Variants in SPATA6 observed in about 807,000 individuals in gnomAD.
SPATA6 encodes the protein spermatogenesis associated 6.
In SPATA6, 56 loss-of-function variants were observed where a neutral mutation model predicts 65.3. The ratio of observed to expected loss-of-function variants is 0.86; its 90% confidence interval spans 0.69 to 1.07. The LOEUF is 1.07. Among genes scored for constraint, SPATA6 ranks in the 50% least tolerant of loss-of-function variants. The pLI is 0.00. For missense variants in SPATA6, 590 were observed against 594.8 expected (o/e 0.99, Z 0.08); for synonymous variants, 199 against 213.2 (o/e 0.93, Z 0.58).
intron 11 of SPATA6, among the ~76,000 whole-genome samples, chr1:48,313,616 C>T (rs1167172485): frequency 6.6e-6 from 1 of 152,102 alleles, no homozygotes; most frequent in East Asian, 1.9e-4. Context: ...ACCATCGAGG[C>T]TAGGAAGAAA....
At chr1:48,379,319 G>C (rs377549968) in intron 9 of SPATA6, among the ~76,000 whole-genome samples, 51 of 152,278 alleles carry the variant, frequency 3.3e-4, no homozygotes, top group African/African-American at 1.2e-3. Flanking sequence ...CTCTCGACAG[G>C]TGGGAATTGT....
At chr1:48,433,477 C>G (rs1298106021) in intron 3 of SPATA6, among the ~76,000 whole-genome samples, 1 of 151,818 alleles carries the variant, frequency 6.6e-6, no homozygotes, top group African/African-American at 2.4e-5. Flanking sequence ...AATAATTTTC[C>G]TTCTTCTTCT....
intron 3 of SPATA6, among the ~76,000 whole-genome samples, chr1:48,423,709 G>A (rs939387267): frequency 4.6e-5 from 7 of 151,466 alleles, no homozygotes; most frequent in African/African-American, 1.2e-4. Flanking sequence ...CACCATGCCC[G>A]GCTAATGTTT....
chr1:48,325,550 T>A (rs1645733251), intron 11 of SPATA6: 6 of 1,174,384 alleles, frequency 5.1e-6, no homozygotes, highest in African/African-American at 1.5e-5. Flanking sequence ...TCTTCCTCTT[T>A]GGTCTTGGAA....
At chr1:48,317,969 G>A (rs986676701) in intron 11 of SPATA6, among the ~76,000 whole-genome samples, 1 of 152,062 alleles carries the variant, frequency 6.6e-6, no homozygotes, top group Admixed American at 6.6e-5. Context: ...ACAACCAACT[G>A]GGAATTATCC....
intron 8 of SPATA6, 51 bp from the exon 9 acceptor site, chr1:48,385,400 G>A (rs1649360000): frequency 6.8e-7 from 1 of 1,474,244 alleles, no homozygotes; most frequent in East Asian, 2.3e-5. Flanking sequence ...TTTCATCTTT[G>A]ATTTTTAATA....
chr1:48,313,524 T>G (rs1298840968), intron 11 of SPATA6, among the ~76,000 whole-genome samples: 41 of 152,222 alleles, frequency 2.7e-4, no homozygotes, highest in Admixed American at 2.0e-3. Flanking sequence ...AGGCCTGCCC[T>G]AAAAGAGCTC....
chr1:48,450,039 T>A (rs1656420475), intron 3 of SPATA6, among the ~76,000 whole-genome samples: 1 of 151,962 alleles, frequency 6.6e-6, no homozygotes, highest in Non-Finnish European at 1.5e-5. Context: ...ATTTTTTTTT[T>A]AATTAAGGAA....
chr1:48,288,636 C>A, the SPATA6 span, among the ~76,000 whole-genome samples: 56 of 152,318 alleles, frequency 3.7e-4, no homozygotes, highest in African/African-American at 1.3e-3. Context: ...AAAACCAGGT[C>A]ACTCCCACCC....
chr1:48,277,217 A>T, the SPATA6 span, among the ~76,000 whole-genome samples: 1 of 151,738 alleles, frequency 6.6e-6, no homozygotes, highest in Non-Finnish European at 1.5e-5. Context: ...GCCAAATAGG[A>T]ACCGCTCCGG....
intron 9 of SPATA6, among the ~76,000 whole-genome samples, chr1:48,366,627 T>G (rs1044725706): frequency 5.3e-4 from 81 of 152,188 alleles, no homozygotes; most frequent in South Asian, 6.2e-4. Context: ...TATTTCTGTG[T>G]GATCGGTGGT....
chr1:48,350,220 C>T (rs923162580), intron 11 of SPATA6, among the ~76,000 whole-genome samples: 35 of 150,252 alleles, frequency 2.3e-4, no homozygotes, highest in Non-Finnish European at 2.5e-4. Flanking sequence ...GGTGAAGTGC[C>T]TGTTCAGATC....
chr1:48,459,315 T>C (rs1436595793), intron 1 of SPATA6, among the ~76,000 whole-genome samples: 1 of 151,978 alleles, frequency 6.6e-6, no homozygotes, highest in Non-Finnish European at 1.5e-5. Context: ...ATCATCTAAT[T>C]ACTAATCATA....
the SPATA6 span, among the ~76,000 whole-genome samples, chr1:48,261,467 T>C: frequency 7.7e-6 from 1 of 129,566 alleles, no homozygotes; most frequent in Non-Finnish European, 1.8e-5. Flanking sequence ...TGGCTAATAA[T>C]TTTTTTTACT....
chr1:48,313,358 C>T (rs145378750), intron 11 of SPATA6, among the ~76,000 whole-genome samples: 3,759 of 152,274 alleles, frequency 0.025, 100 homozygotes, highest in African/African-American at 0.067. Flanking sequence ...GGCAGAAACT[C>T]TACAAGCCAG....
chr1:48,386,312 T>C (rs1649457507), intron 8 of SPATA6, among the ~76,000 whole-genome samples: 1 of 152,218 alleles, frequency 6.6e-6, no homozygotes, highest in Non-Finnish European at 1.5e-5. Context: ...TACTCATTAC[T>C]TAAAGGAATA....
At chr1:48,363,719 A>G (rs1383349427) in intron 9 of SPATA6, among the ~76,000 whole-genome samples, 1 of 151,942 alleles carries the variant, frequency 6.6e-6, no homozygotes, top group Non-Finnish European at 1.5e-5. Flanking sequence ...TAATATTTTT[A>G]AACTAATCTG....
intron 3 of SPATA6, among the ~76,000 whole-genome samples, chr1:48,425,696 T>C (rs1653772028): frequency 6.6e-6 from 1 of 152,068 alleles, no homozygotes. Context: ...TATGACAAAA[T>C]AAACACTATG....
At chr1:48,373,487 GTCT>G (rs1259806376) in intron 9 of SPATA6, among the ~76,000 whole-genome samples, 2 of 152,156 alleles carry the variant, frequency 1.3e-5, no homozygotes, top group East Asian at 3.9e-4. Context: ...ACATTTTCCT[GTCT>G]TCTTCTGAGC....
Sources: allele counts gnomAD v4.1 joint callset (sites outside exome capture counted in the v4.1 genomes callset), GRCh38; gene constraint gnomAD v4.1.1; transcripts MANE v1.5; gene names NCBI Gene and HGNC (gene_info 2026-07-23, HGNC 2026-07-21).